NFIA: variants seen among roughly 807,000 people sequenced by gnomAD.
NFIA encodes nuclear factor 1 A-type.
A neutral mutation model predicts 62.8 loss-of-function variants in NFIA; 8 were observed. The observed-to-expected ratio is 0.13, with a 90% CI of 0.07 to 0.23. The LOEUF (loss-of-function observed/expected upper bound fraction) is 0.23. Ranked by LOEUF, NFIA falls within the 10% of genes least tolerant of loss-of-function variation. The pLI, the probability that NFIA is intolerant of heterozygous loss-of-function variation, is 1.00. For missense variants in NFIA, 410 were observed against 642.1 expected (o/e 0.64, Z 3.91); for synonymous variants, 235 against 238.1 (o/e 0.99, Z 0.12).
chr1:61,365,206 C>T (rs79955192), intron 6 of NFIA, among the ~76,000 whole-genome samples: 7,203 of 152,162 alleles, frequency 0.047, 211 homozygotes, highest in Admixed American at 0.096. Flanking sequence ...GAGAAACAAA[C>T]AGAAAAACAG....
intron 3 of NFIA, among the ~76,000 whole-genome samples, chr1:61,303,919 G>A (rs1221836899): frequency 6.6e-6 from 1 of 152,166 alleles, no homozygotes; most frequent in Non-Finnish European, 1.5e-5. Flanking sequence ...TACACTGTAG[G>A]AGACAAGGGC....
rs553048159 is a variant in NFIA at position 61,241,325 on chromosome 1, G to T, written c.560-36195G>T. ...AGAGCTTGTCTGTTAAAGGGTTAAAGAATTAGATTTTTAAGCTGCTTTCGT... is the reference window on the plus strand; with the variant it reads ...AGAGCTTGTCTGTTAAAGGGTTAAATAATTAGATTTTTAAGCTGCTTTCGT... On this transcript the variant is annotated intron_variant, in intron 2 of 10. Transcript: ENST00000403491. Among the ~76,000 whole-genome samples the T allele has an allele frequency of 1.1e-4, 16 of 152,222 alleles. No individual in the cohort carries two copies. The East Asian group carries it at 2.9e-3, about 28-fold the overall frequency.
chr1:61,308,749 T>C (rs1448147755), intron 3 of NFIA, among the ~76,000 whole-genome samples: 1 of 152,206 alleles, frequency 6.6e-6, no homozygotes, highest in South Asian at 2.1e-4. Flanking sequence ...CAGATTTCTT[T>C]GCAGCTTTAG....
intron 7 of NFIA, among the ~76,000 whole-genome samples, chr1:61,397,576 A>G (rs111332904): frequency 9.9e-4 from 151 of 152,276 alleles, no homozygotes; most frequent in African/African-American, 3.5e-3. Context: ...GAAGCTATTG[A>G]TCACTTAATT....
intron 6 of NFIA, among the ~76,000 whole-genome samples, chr1:61,378,380 C>T (rs1413667703): frequency 2.0e-5 from 3 of 152,118 alleles, no homozygotes; most frequent in African/African-American, 4.8e-5. Context: ...TCTAAGAATA[C>T]GTCTTACCGT....
intron 9 of NFIA, among the ~76,000 whole-genome samples, chr1:61,417,315 C>T (rs1055173085): frequency 6.9e-6 from 1 of 143,976 alleles, no homozygotes; most frequent in African/African-American, 2.6e-5. Flanking sequence ...TGATTGTGAC[C>T]ATACTGAATA....
At chr1:61,271,389 A>G (rs1657496057) in intron 2 of NFIA, among the ~76,000 whole-genome samples, 1 of 152,262 alleles carries the variant, frequency 6.6e-6, no homozygotes, top group African/African-American at 2.4e-5. Context: ...GAAATACCAG[A>G]AAAGTTGAAT....
intron 3 of NFIA, among the ~76,000 whole-genome samples, chr1:61,321,424 A>AGGAAGGAAGGAAAGGAAG (rs1406524367): frequency 1.9e-4 from 29 of 151,896 alleles, no homozygotes; most frequent in African/African-American, 5.1e-4. Context: ...AAAGGGAGGG[A>AGGAAGGAAGGAAAGGAAG]GGAAGGAAGG....
At position 61,108,593 on chromosome 1, in the gene NFIA, A is replaced by T. The variant is rs570887869; in HGVS notation, c.559+19913A>T. On this transcript the variant is annotated intron_variant, in intron 2 of 10. Coordinates refer to ENST00000403491, the MANE Select transcript of NFIA (RefSeq NM_001134673.4). The stretch of plus-strand genomic sequence containing the variant: ...TCCTTACCCTTCTCATTGCACTGAG[A>T]TCTGCAACTCAGTGTTAAATTAACC... Among the ~76,000 whole-genome samples the T allele has an allele frequency of 4.5e-4, 68 of 151,778 alleles. No individual in the cohort carries two copies. In the South Asian group the frequency reaches 5.6e-3, roughly 13 times the overall value.
intron 2 of NFIA, among the ~76,000 whole-genome samples, chr1:61,275,902 T>G (rs1657778414): frequency 6.6e-6 from 1 of 152,162 alleles, no homozygotes; most frequent in African/African-American, 2.4e-5. Flanking sequence ...TTTATGTAGT[T>G]AAAATTTTAA....
intron 2 of NFIA, among the ~76,000 whole-genome samples, chr1:61,259,410 G>C (rs1656616098): frequency 6.6e-6 from 1 of 152,154 alleles, no homozygotes; most frequent in East Asian, 1.9e-4. Flanking sequence ...CATATATTAT[G>C]TGCAAGCACT....
chr1:61,445,237 T>C (rs967730613), intron 10 of NFIA, among the ~76,000 whole-genome samples: 1 of 152,174 alleles, frequency 6.6e-6, no homozygotes, highest in East Asian at 1.9e-4. Context: ...ACGTATGCTA[T>C]GTACATGTCC....
intron 2 of NFIA, among the ~76,000 whole-genome samples, chr1:61,234,684 C>G (rs1414761672): frequency 2.0e-5 from 3 of 152,176 alleles, no homozygotes; most frequent in African/African-American, 7.2e-5. Context: ...AAAGGTTGTG[C>G]TTTTCGTGTT....
chr1:61,207,936 C>T (rs571808533), intron 2 of NFIA, among the ~76,000 whole-genome samples: 56 of 150,934 alleles, frequency 3.7e-4, no homozygotes, highest in Non-Finnish European at 7.4e-4. Context: ...GGAGTCTCAC[C>T]CAGTTGGATA....
At chr1:61,183,904 A>C (rs1235437380) in intron 2 of NFIA, among the ~76,000 whole-genome samples, 1 of 152,038 alleles carries the variant, frequency 6.6e-6, no homozygotes, top group Non-Finnish European at 1.5e-5. Flanking sequence ...ACACGTGCGC[A>C]AACTTGGGAT....
At chr1:61,355,091 A>G (rs1459898118) in intron 5 of NFIA, among the ~76,000 whole-genome samples, 1 of 152,220 alleles carries the variant, frequency 6.6e-6, no homozygotes, top group Non-Finnish European at 1.5e-5. Flanking sequence ...GAATTAAGAT[A>G]TTTGGAATTA....
chr1:61,293,112 C>G lies in NFIA; in HGVS notation c.625+15527C>G, dbSNP rs1311525057. ...CGCATCACATTGATTTTAAACAACT[C>G]TGTTTTTAAGAGCACTTAGGTCACT... On this transcript the variant is annotated intron_variant, in intron 3 of 10. Transcript: ENST00000403491. Among the ~76,000 whole-genome samples the G allele has an allele frequency of 2.0e-5, 3 of 152,204 alleles. No homozygotes were observed. In the South Asian group the frequency reaches 6.2e-4, roughly 31 times the overall value.
At chr1:61,356,244 C>G (rs2100437603) in intron 5 of NFIA, among the ~76,000 whole-genome samples, 1 of 152,292 alleles carries the variant, frequency 6.6e-6, no homozygotes, top group East Asian at 1.9e-4. Context: ...GTCATTTTCC[C>G]TGAAGATCTT....
intron 2 of NFIA, among the ~76,000 whole-genome samples, chr1:61,202,025 A>G (rs918725051): frequency 6.6e-5 from 10 of 152,074 alleles, no homozygotes; most frequent in Non-Finnish European, 1.0e-4. Flanking sequence ...GCCTTGCTTG[A>G]CTTCCAATTT....
Sources: allele counts gnomAD v4.1 joint callset (sites outside exome capture counted in the v4.1 genomes callset), GRCh38; gene constraint gnomAD v4.1.1; transcripts MANE v1.5; gene names NCBI Gene and HGNC (gene_info 2026-07-23, HGNC 2026-07-21).